The following MPRIP variants were observed in gnomAD, a reference collection of about 807,000 sequenced individuals.
MPRIP encodes the protein myosin phosphatase Rho interacting protein.
In MPRIP, 59 loss-of-function variants were observed where a neutral mutation model predicts 234.9. The observed-to-expected ratio is 0.25, with a 90% CI of 0.20 to 0.31. The LOEUF (loss-of-function observed/expected upper bound fraction) is 0.31. Among genes scored for constraint, MPRIP ranks in the 10% least tolerant of loss-of-function variants. The pLI is 1.00. For missense variants in MPRIP, 2,436 were observed against 3,071.0 expected (o/e 0.79, Z 4.89); for synonymous variants, 1,144 against 1,263.9 (o/e 0.91, Z 2.01).
At position 17,143,601 on chromosome 17, in the gene MPRIP, G is replaced by A. The variant is rs1454357039; in HGVS notation, c.1435G>A (p.Ala479Thr). 11 of 1,604,516 alleles carry A rather than the reference G, an allele frequency of 6.9e-6. No individual in the cohort carries two copies. The Admixed American group carries it at 1.5e-4, about 22-fold the overall frequency. The change falls in exon 9 of 24, where the codon GCT (alanine) becomes ACT (threonine). Residue 479 changes from alanine (A) to threonine (T), a missense_variant. Around this residue, in one of 4 missense-constraint regions of MPRIP, gnomAD observed 267 missense variants for 252.7 expected, o/e 1.06. Coordinates refer to ENST00000651222, the MANE Select transcript of MPRIP (RefSeq NM_001364716.4). Reference protein sequence around the residue: ...APPAPLPDASASPLSPHRRAK... With the variant: ...APPAPLPDASTSPLSPHRRAK... ...CCCAGCTCCTCTCCCAGACGCCTCG[G>A]CTTCCCCCCTGTCTCCACACCGAAG...
At chr17:17,149,945 T>A in intron 11 of MPRIP, 199 bp from the exon 12 acceptor site, 1 of 528,044 alleles carries the variant, frequency 1.9e-6, no homozygotes, top group East Asian at 3.3e-5. Flanking sequence ...TTTGGCTGGA[T>A]ACAGGGACAG....
chr17:17,082,825 G>T (rs1185473280), intron 3 of MPRIP, among the ~76,000 whole-genome samples: 1 of 152,148 alleles, frequency 6.6e-6, no homozygotes, highest in Non-Finnish European at 1.5e-5. Context: ...CTATGAATTT[G>T]ACTCCTCCAG....
intron 3 of MPRIP, among the ~76,000 whole-genome samples, chr17:17,090,180 G>A (rs187018587): frequency 6.1e-4 from 93 of 152,330 alleles, no homozygotes; most frequent in Non-Finnish European, 8.8e-5. Flanking sequence ...AAGGAACAGG[G>A]ACAGAGCAGG....
Position 17,146,112 on chromosome 17 carries a change from G to C in MPRIP, c.1560+20G>C. On this transcript the variant is annotated intron_variant, in intron 10 of 23. Coordinates refer to ENST00000651222, the MANE Select transcript of MPRIP (RefSeq NM_001364716.4). ...GGCCAGGTGAGTGTGCAGGGTTGCCGTGGCCCCTGAGGGATCTGGGGACAG... is the reference window on the plus strand; with the variant it reads ...GGCCAGGTGAGTGTGCAGGGTTGCCCTGGCCCCTGAGGGATCTGGGGACAG... 1 of 1,612,386 alleles carries C rather than the reference G, an allele frequency of 6.2e-7. No individual in the cohort carries two copies. Among genetic ancestry groups the C allele is most frequent in the Non-Finnish European group, 8.5e-7 (1 of 1,178,808 alleles).
rs2046593412 is a variant in MPRIP at position 17,191,882 on chromosome 17, A to G, written c.*6988A>G. The G allele has an allele frequency of 3.3e-5, 5 of 152,232 alleles. No individual in the cohort carries two copies. Among genetic ancestry groups the G allele is most frequent in the Admixed American group, 6.5e-5 (1 of 15,288 alleles). 9.4% of individuals were successfully genotyped at this position (152,232 alleles called of 1,614,324 possible). On this transcript the variant is annotated 3_prime_UTR_variant, in exon 24 of 24. Coordinates refer to ENST00000651222, the MANE Select transcript of MPRIP (RefSeq NM_001364716.4). ...TTAGGATTTACCTTTAGTATTAACAACGTATCTACTGACATACTGTTAGGA... is the reference window on the plus strand; with the variant it reads ...TTAGGATTTACCTTTAGTATTAACAGCGTATCTACTGACATACTGTTAGGA...
chr17:17,180,561 G>GT, intron 23 of MPRIP: 6 of 1,568,794 alleles, frequency 3.8e-6, no homozygotes, highest in Non-Finnish European at 5.3e-6. Context: ...CACCGCGTGT[G>GT]TTTGGGATTG....
chr17:17,100,596 A>G (rs528388877), intron 3 of MPRIP, among the ~76,000 whole-genome samples: 2 of 152,232 alleles, frequency 1.3e-5, no homozygotes, highest in Admixed American at 1.3e-4. Flanking sequence ...TTAGATTTTC[A>G]TAGGAGCGTG....
At position 17,142,849 on chromosome 17, in the gene MPRIP, C is replaced by G. The variant is rs1597453122; in HGVS notation, c.1389+84C>G. 7 of 1,493,670 alleles carry G rather than the reference C, an allele frequency of 4.7e-6. No individual in the cohort carries two copies. In the East Asian group the frequency reaches 1.4e-4, roughly 29 times the overall value. 92.5% of individuals were successfully genotyped at this position (1,493,670 alleles called of 1,614,324 possible). Reference sequence around the variant, plus strand: ...CCCCATGCGCCAAGTCCCCTCCACACAGGCCTGGGATGTGCTCCTGCCAGG... The same window carrying G: ...CCCCATGCGCCAAGTCCCCTCCACAGAGGCCTGGGATGTGCTCCTGCCAGG... On this transcript the variant is annotated intron_variant, in intron 8 of 23. Transcript: ENST00000651222.
At chr17:17,057,811 A>C in intron 1 of MPRIP, 1 of 680,400 alleles carries the variant, frequency 1.5e-6, no homozygotes, top group South Asian at 1.6e-5. Context: ...AGGGATCTTC[A>C]CAGTTTGAAG....
intron 1 of MPRIP, among the ~76,000 whole-genome samples, chr17:17,050,314 C>CAAAAAAA (rs66950979): frequency 1.1e-5 from 1 of 92,270 alleles, no homozygotes; most frequent in Admixed American, 1.2e-4. Flanking sequence ...GACTCCGTCT[C>CAAAAAAA]AAAAAAAAAA....
intron 3 of MPRIP, among the ~76,000 whole-genome samples, chr17:17,117,643 T>C (rs2090312072): frequency 2.0e-5 from 3 of 152,254 alleles, no homozygotes. Context: ...TTCCACCTTT[T>C]GGCTATCGCG....
At chr17:17,097,517 C>T (rs1312065980) in intron 3 of MPRIP, among the ~76,000 whole-genome samples, 1 of 152,170 alleles carries the variant, frequency 6.6e-6, no homozygotes, top group African/African-American at 2.4e-5. Context: ...CAAATTCTAT[C>T]TCACAATTCC....
At chr17:17,097,211 A>C in intron 3 of MPRIP, 1 of 191,090 alleles carries the variant, frequency 5.2e-6, no homozygotes, top group Non-Finnish European at 1.1e-5. Flanking sequence ...TGCCTATTAA[A>C]CCCCACACGG....
intron 7 of MPRIP, among the ~76,000 whole-genome samples, chr17:17,140,395 C>A (rs371378634): frequency 6.6e-6 from 1 of 152,128 alleles, no homozygotes; most frequent in African/African-American, 2.4e-5. Context: ...CCCCACCCCC[C>A]ACCAGTTCTG....
Position 17,185,872 on chromosome 17 carries a change from T to TA in MPRIP, c.*979dup, listed in dbSNP as rs2046466285. 5.0e-6 allele frequency: 1 copy of TA among 200,528 alleles called. No individual in the cohort carries two copies. The highest frequency in any genetic ancestry group is 5.8e-5 in the Admixed American group (1 of 17,198). 12.4% of individuals were successfully genotyped at this position (200,528 alleles called of 1,614,324 possible). ...TCAGAATCTGATGAGAACAGCACAT[T>TA]AGTGTTTATTGAGACTCCGATCTTA... On this transcript the variant is annotated 3_prime_UTR_variant, in exon 24 of 24. Coordinates refer to ENST00000651222, the MANE Select transcript of MPRIP (RefSeq NM_001364716.4).
At chr17:17,131,479 C>A in intron 4 of MPRIP, 138 bp from the exon 5 acceptor site, 1 of 676,280 alleles carries the variant, frequency 1.5e-6, no homozygotes, top group Admixed American at 2.4e-5. Flanking sequence ...TGCTCTGTGG[C>A]ACTTCTGGCC....
intron 1 of MPRIP, among the ~76,000 whole-genome samples, chr17:17,066,695 A>G (rs1309252720): frequency 5.1e-5 from 6 of 118,662 alleles, no homozygotes; most frequent in Middle Eastern, 0.016. Flanking sequence ...ATATCCCCTC[A>G]TGTCAAACCC....
chr17:17,072,795 C>T (rs1407991760), intron 1 of MPRIP, among the ~76,000 whole-genome samples: 1 of 152,122 alleles, frequency 6.6e-6, no homozygotes, highest in African/African-American at 2.4e-5. Flanking sequence ...GATGGCTCCT[C>T]ATGGCCCCAT....
intron 4 of MPRIP, among the ~76,000 whole-genome samples, chr17:17,128,015 G>A (rs1353690029): frequency 1.3e-5 from 2 of 152,186 alleles, no homozygotes; most frequent in Non-Finnish European, 2.9e-5. Context: ...GAGCACTTCT[G>A]TCTCCCACAA....
Sources: gnomAD v4.1 joint callset for allele counts (sites outside exome capture counted in the v4.1 genomes callset) on GRCh38, gnomAD v4.1.1 for gene constraint, gnomAD v4.1.1 regional missense constraint, MANE v1.5 for transcripts, NCBI Gene and HGNC (gene_info 2026-07-23, HGNC 2026-07-21) for gene names.